The following DPP10 variants were observed in gnomAD, a reference collection of about 807,000 sequenced individuals.
DPP10 encodes inactive dipeptidyl peptidase 10.
Under a neutral mutation model 120.9 loss-of-function variants are expected in DPP10, and 33 were observed. That is an observed-to-expected ratio of 0.27 (90% CI 0.21 to 0.37). The LOEUF is 0.37. Ranked by LOEUF, DPP10 falls within the 10% of genes least tolerant of loss-of-function variation. The pLI is 1.00. For synonymous variants in DPP10, 337 were observed against 326.1 expected (o/e 1.03, Z -0.36); for missense variants, 816 against 942.8 (o/e 0.87, Z 1.76).
intron 5 of DPP10, among the ~76,000 whole-genome samples, chr2:115,539,183 A>T (rs2079040996): frequency 6.6e-6 from 1 of 152,018 alleles, no homozygotes; most frequent in Admixed American, 6.6e-5. Context: ...ATTCTCAAAG[A>T]TTTAGCAATT....
At chr2:115,100,781 TA>T (rs778392452) in intron 1 of DPP10, among the ~76,000 whole-genome samples, 29 of 152,176 alleles carry the variant, frequency 1.9e-4, no homozygotes, top group Non-Finnish European at 1.5e-4. Context: ...ATCATTCCCA[TA>T]GATCCATCCA....
At chr2:114,628,843 CCAT>C (rs1694706768) in intron 1 of DPP10, among the ~76,000 whole-genome samples, 3 of 152,208 alleles carry the variant, frequency 2.0e-5, no homozygotes, top group Admixed American at 2.0e-4. Flanking sequence ...TTGTTTAATA[CCAT>C]GTTTTGAAAT....
At chr2:115,318,649 C>T (rs1268565890) in intron 2 of DPP10, among the ~76,000 whole-genome samples, 1 of 151,988 alleles carries the variant, frequency 6.6e-6, no homozygotes, top group Non-Finnish European at 1.5e-5. Flanking sequence ...TGGTTAAATT[C>T]ATTTCTATTT....
At chr2:115,457,656 A>G (rs1053401659) in intron 3 of DPP10, among the ~76,000 whole-genome samples, 10 of 81,980 alleles carry the variant, frequency 1.2e-4, no homozygotes, top group African/African-American at 3.0e-4. Context: ...CTACAAGAAT[A>G]CCTATAATCA....
intron 1 of DPP10, among the ~76,000 whole-genome samples, chr2:114,702,747 T>C (rs1346628124): frequency 1.3e-5 from 2 of 152,116 alleles, no homozygotes; most frequent in Non-Finnish European, 2.9e-5. Context: ...CACAGGTTTC[T>C]TGGATCCATC....
chr2:115,289,341 T>A (rs954846496), intron 1 of DPP10, among the ~76,000 whole-genome samples: 11 of 151,968 alleles, frequency 7.2e-5, no homozygotes, highest in African/African-American at 2.7e-4. Context: ...CCCATGCTCA[T>A]GCATTGGAAG....
intron 13 of DPP10, among the ~76,000 whole-genome samples, chr2:115,774,887 C>T (rs147062745): frequency 1.8e-4 from 27 of 152,138 alleles, no homozygotes; most frequent in Middle Eastern, 6.8e-3. Flanking sequence ...CCTATATGAA[C>T]CTAATTCTGA....
intron 7 of DPP10, among the ~76,000 whole-genome samples, chr2:115,718,510 C>A (rs1002145586): frequency 1.3e-5 from 2 of 151,854 alleles, no homozygotes; most frequent in Non-Finnish European, 2.9e-5. Flanking sequence ...CTCTTTTTTT[C>A]TGTATTTTTT....
chr2:115,524,479 C>A (rs2078009749), intron 4 of DPP10, among the ~76,000 whole-genome samples: 1 of 152,134 alleles, frequency 6.6e-6, no homozygotes, highest in African/African-American at 2.4e-5. Flanking sequence ...GTACATCACC[C>A]TCCCAATGCA....
chr2:115,499,824 A>C (rs2076592036), intron 4 of DPP10, among the ~76,000 whole-genome samples: 1 of 152,034 alleles, frequency 6.6e-6, no homozygotes, highest in South Asian at 2.1e-4. Flanking sequence ...ATAATTGGAG[A>C]AATATTTCCA....
At chr2:115,022,022 A>G (rs1198996935) in intron 1 of DPP10, among the ~76,000 whole-genome samples, 6 of 152,140 alleles carry the variant, frequency 3.9e-5, no homozygotes, top group Non-Finnish European at 8.8e-5. Context: ...TAATAAGGTA[A>G]TAAAAGCCAT....
intron 3 of DPP10, among the ~76,000 whole-genome samples, chr2:115,345,627 A>G (rs867084775): frequency 6.6e-5 from 10 of 152,116 alleles, no homozygotes; most frequent in South Asian, 4.1e-4. Context: ...GGAAAACATG[A>G]AAAATTATGG....
chr2:114,480,151 A>G (rs901705079), intron 1 of DPP10, among the ~76,000 whole-genome samples: 2 of 152,040 alleles, frequency 1.3e-5, no homozygotes, highest in South Asian at 2.1e-4. Context: ...CAAAACCACA[A>G]TGAGATACCA....
intron 5 of DPP10, among the ~76,000 whole-genome samples, chr2:115,599,942 G>C (rs1047787710): frequency 6.6e-6 from 1 of 152,124 alleles, no homozygotes; most frequent in Admixed American, 6.5e-5. Flanking sequence ...TGGTCAACCA[G>C]GAACTTACCT....
intron 5 of DPP10, among the ~76,000 whole-genome samples, chr2:115,643,008 G>C (rs1226019447): frequency 6.6e-6 from 1 of 152,048 alleles, no homozygotes; most frequent in African/African-American, 2.4e-5. Flanking sequence ...AGAAACAGAA[G>C]ATGGTAAGTA....
chr2:115,134,085 C>T (rs774053747), intron 1 of DPP10, among the ~76,000 whole-genome samples: 2 of 152,018 alleles, frequency 1.3e-5, no homozygotes, highest in African/African-American at 4.8e-5. Flanking sequence ...TTGAGAATAT[C>T]GATCTTAAAT....
At chr2:115,350,723 C>T (rs1248870116) in intron 3 of DPP10, among the ~76,000 whole-genome samples, 4 of 152,100 alleles carry the variant, frequency 2.6e-5, no homozygotes, top group Non-Finnish European at 5.9e-5. Flanking sequence ...TTCCTTCTTT[C>T]CCAATAGATT....
intron 7 of DPP10, among the ~76,000 whole-genome samples, chr2:115,701,794 C>A (rs1166557886): frequency 6.6e-6 from 1 of 151,728 alleles, no homozygotes; most frequent in Non-Finnish European, 1.5e-5. Context: ...TGATTAATTC[C>A]AAAATGGGCA....
chr2:115,395,893 T>C (rs2067645473), intron 3 of DPP10, among the ~76,000 whole-genome samples: 2 of 152,124 alleles, frequency 1.3e-5, no homozygotes, highest in African/African-American at 4.8e-5. Context: ...CTATATACAA[T>C]GATAGAGTGC....
Sources: gnomAD v4.1 joint callset for allele counts (sites outside exome capture counted in the v4.1 genomes callset) on GRCh38, gnomAD v4.1.1 for gene constraint, MANE v1.5 for transcripts, NCBI Gene and HGNC (gene_info 2026-07-23, HGNC 2026-07-21) for gene names.